CNTNAP2: variants seen among roughly 807,000 people sequenced by gnomAD.
CNTNAP2 encodes contactin associated protein 2.
Under a neutral mutation model 155.2 loss-of-function variants are expected in CNTNAP2, and 98 were observed. The ratio of observed to expected loss-of-function variants is 0.63; its 90% CI spans 0.54 to 0.75. The LOEUF (loss-of-function observed/expected upper bound fraction) is 0.75, where lower values mean the gene tolerates loss of function less well. Among genes scored for constraint, CNTNAP2 ranks in the 30% least tolerant of loss-of-function variants. CNTNAP2 has a pLI of 0.00. For missense variants in CNTNAP2, 1,727 were observed against 1,688.1 expected (o/e 1.02, Z -0.40); for synonymous variants, 651 against 631.2 (o/e 1.03, Z -0.47).
intron 10 of CNTNAP2, among the ~76,000 whole-genome samples, chr7:147,425,584 TGTCAAACCAAGC>T (rs1480943877): frequency 1.3e-5 from 2 of 152,074 alleles, no homozygotes; most frequent in Non-Finnish European, 2.9e-5. Flanking sequence ...TCCACCCCAT[TGTCAAACCAAGC>T]CATGTGGAAT....
intron 13 of CNTNAP2, among the ~76,000 whole-genome samples, chr7:147,665,604 C>T (rs909677965): frequency 6.6e-6 from 1 of 152,152 alleles, no homozygotes; most frequent in Non-Finnish European, 1.5e-5. Flanking sequence ...AGTTATTTTT[C>T]CTGATCCTCT....
intron 15 of CNTNAP2, among the ~76,000 whole-genome samples, chr7:148,042,382 G>T (rs1050798882): frequency 6.6e-6 from 1 of 152,196 alleles, no homozygotes; most frequent in African/African-American, 2.4e-5. Context: ...GGGAAGGGAG[G>T]AGTTGTTGCC....
At chr7:146,290,417 G>A (rs980268681) in intron 1 of CNTNAP2, among the ~76,000 whole-genome samples, 4 of 152,148 alleles carry the variant, frequency 2.6e-5, no homozygotes, top group Non-Finnish European at 5.9e-5. Context: ...TCTTCAAGGC[G>A]CTGCCCCTTG....
At chr7:146,307,556 A>G (rs1300859701) in intron 1 of CNTNAP2, among the ~76,000 whole-genome samples, 1 of 152,192 alleles carries the variant, frequency 6.6e-6, no homozygotes, top group East Asian at 1.9e-4. Flanking sequence ...AGCTGGAGGC[A>G]TCACACTACC....
intron 11 of CNTNAP2, among the ~76,000 whole-genome samples, chr7:147,535,771 A>T (rs990099643): frequency 1.3e-5 from 2 of 152,212 alleles, no homozygotes; most frequent in African/African-American, 4.8e-5. Context: ...AGGTCACAAT[A>T]AGAATGCAAA....
At position 146,648,315 on chromosome 7, in the gene CNTNAP2, T is replaced by C. The variant is rs563154890; in HGVS notation, c.98-125956T>C. Among the ~76,000 whole-genome samples, 3 of 152,272 alleles carry C rather than the reference T, an allele frequency of 2.0e-5. No homozygotes were observed. The South Asian group carries it at 6.2e-4, about 32-fold the overall frequency. Reference sequence around the variant, plus strand: ...TGAGAAAACATGAATATTTTCCCCATGGGAAAGAAGTGAACGTTTTCAAAC... The same window carrying C: ...TGAGAAAACATGAATATTTTCCCCACGGGAAAGAAGTGAACGTTTTCAAAC... On this transcript the variant is annotated intron_variant, in intron 1 of 23. Transcript: ENST00000361727.
intron 14 of CNTNAP2, among the ~76,000 whole-genome samples, chr7:147,973,263 A>C (rs1801367603): frequency 6.6e-6 from 1 of 151,626 alleles, no homozygotes; most frequent in African/African-American, 2.4e-5. Context: ...TCCACAACTA[A>C]TGTAGAGTCC....
intron 1 of CNTNAP2, among the ~76,000 whole-genome samples, chr7:146,772,169 A>G (rs1241855746): frequency 6.6e-6 from 1 of 152,088 alleles, no homozygotes; most frequent in Non-Finnish European, 1.5e-5. Context: ...TAAATGAGTA[A>G]CAACATAACA....
At chr7:146,933,448 T>G (rs1197508102) in intron 3 of CNTNAP2, among the ~76,000 whole-genome samples, 1 of 151,414 alleles carries the variant, frequency 6.6e-6, no homozygotes, top group African/African-American at 2.4e-5. Flanking sequence ...CAGGATGGAT[T>G]AAAGACTTAA....
At chr7:146,943,816 C>A (rs1290919201) in intron 3 of CNTNAP2, among the ~76,000 whole-genome samples, 2 of 152,116 alleles carry the variant, frequency 1.3e-5, no homozygotes, top group Non-Finnish European at 2.9e-5. Flanking sequence ...AGAGAAATTA[C>A]TTACTACTGC....
chr7:147,325,967 G>A (rs1795447829), intron 9 of CNTNAP2, among the ~76,000 whole-genome samples: 1 of 151,946 alleles, frequency 6.6e-6, no homozygotes, highest in African/African-American at 2.4e-5. Context: ...CTGTAGCCCT[G>A]GCTGGAGTGC....
At chr7:147,902,804 G>GTGTGTA (rs1799892691) in intron 13 of CNTNAP2, among the ~76,000 whole-genome samples, 1 of 128,126 alleles carries the variant, frequency 7.8e-6, no homozygotes, top group Admixed American at 8.3e-5. Flanking sequence ...GTGTGTGTGT[G>GTGTGTA]TGTGTGTGTA....
intron 13 of CNTNAP2, among the ~76,000 whole-genome samples, chr7:147,772,150 G>C (rs1375328201): frequency 6.6e-6 from 1 of 151,764 alleles, no homozygotes; most frequent in Admixed American, 6.6e-5. Flanking sequence ...AATTGGCCAG[G>C]CATGGTGGCT....
chr7:146,488,716 C>A (rs900324412), intron 1 of CNTNAP2, among the ~76,000 whole-genome samples: 2 of 152,116 alleles, frequency 1.3e-5, no homozygotes, highest in Non-Finnish European at 2.9e-5. Flanking sequence ...GCAGCTTCGA[C>A]CTCCCAGGCT....
At chr7:146,301,521 G>A (rs1800610076) in intron 1 of CNTNAP2, among the ~76,000 whole-genome samples, 1 of 151,964 alleles carries the variant, frequency 6.6e-6, no homozygotes, top group African/African-American at 2.4e-5. Context: ...AGCTGCTAGG[G>A]AGGGTGAGGC....
chr7:147,879,306 C>T (rs10234247), intron 13 of CNTNAP2, among the ~76,000 whole-genome samples: 1 of 152,064 alleles, frequency 6.6e-6, no homozygotes, highest in African/African-American at 2.4e-5. Flanking sequence ...TTACACAGGG[C>T]TGGCATTCAG....
chr7:148,301,305 A>AT (rs5888315), intron 21 of CNTNAP2, among the ~76,000 whole-genome samples: 47,887 of 103,024 alleles, frequency 0.46, 11,110 homozygotes, highest in East Asian at 0.65. Context: ...AAAAAAAAAA[A>AT]AATATATATA....
In CNTNAP2 at chr7:146,389,136, CA is replaced by C. The variant is rs879507390; in HGVS notation, c.97+272167del. ...CTTTGTCACGTGATTATTATATTCG[CA>C]AAAGGCTTGACTTATTTTCAGACAT... On this transcript the variant is annotated intron_variant, in intron 1 of 23. Coordinates refer to ENST00000361727, the MANE Select transcript of CNTNAP2 (RefSeq NM_014141.6). 3.7e-4 allele frequency among the ~76,000 whole-genome samples: 57 copies of C among 152,102 alleles called. 1 individual carries two copies. The highest frequency in any genetic ancestry group is 2.1e-4 in the Non-Finnish European group (14 of 68,008).
intron 1 of CNTNAP2, among the ~76,000 whole-genome samples, chr7:146,360,770 G>A (rs1795070645): frequency 6.6e-6 from 1 of 152,062 alleles, no homozygotes; most frequent in African/African-American, 2.4e-5. Context: ...TGCAATAATG[G>A]TATATTATGA....
Sources: gnomAD v4.1 joint callset for allele counts (sites outside exome capture counted in the v4.1 genomes callset) on GRCh38, gnomAD v4.1.1 for gene constraint, MANE v1.5 for transcripts, NCBI Gene and HGNC (gene_info 2026-07-23, HGNC 2026-07-21) for gene names.